THSD7B: variants seen among roughly 807,000 people sequenced by gnomAD.
The protein encoded by THSD7B is thrombospondin type-1 domain-containing protein 7B.
A neutral mutation model predicts 213.6 loss-of-function variants in THSD7B; 138 were observed. The ratio of observed to expected loss-of-function variants is 0.65; its 90% CI spans 0.56 to 0.74. THSD7B has a LOEUF of 0.74. Among genes scored for constraint, THSD7B ranks in the 30% least tolerant of loss-of-function variants. The probability of loss-of-function intolerance (pLI) is 0.00; values close to 1 mark genes in which losing one functional copy is unlikely to be tolerated. For missense variants in THSD7B, 1,931 were observed against 1,991.5 expected (o/e 0.97, Z 0.58); for synonymous variants, 742 against 687.0 (o/e 1.08, Z -1.25).
At chr2:137,629,952 A>T (rs1204374412) in intron 20 of THSD7B, among the ~76,000 whole-genome samples, 1 of 152,138 alleles carries the variant, frequency 6.6e-6, no homozygotes, top group Non-Finnish European at 1.5e-5. Context: ...ACAAAAATAT[A>T]AAGATGAGTA....
At chr2:137,453,723 T>C (rs1289377594) in intron 15 of THSD7B, among the ~76,000 whole-genome samples, 1 of 152,152 alleles carries the variant, frequency 6.6e-6, no homozygotes, top group East Asian at 1.9e-4. Flanking sequence ...GAAAATAAAA[T>C]GTATTTCTCC....
intron 1 of THSD7B, among the ~76,000 whole-genome samples, chr2:136,818,808 T>G (rs1404435644): frequency 6.6e-6 from 1 of 152,198 alleles, no homozygotes; most frequent in Non-Finnish European, 1.5e-5. Flanking sequence ...GTCCATTGGC[T>G]TTCAAGTAAG....
Position 136,837,023 on chromosome 2 carries a change from T to A in THSD7B, c.-35-45121T>A, listed in dbSNP as rs543189666. On this transcript the variant is annotated intron_variant, in intron 1 of 27. Transcript: ENST00000409968. ...ATACTTTCAAAATATATTCCACATA[T>A]ATCTCCAGATTAATCCCAGCAGGTC... Among the ~76,000 whole-genome samples the A allele has an allele frequency of 6.6e-5, 10 of 152,316 alleles. 1 individual carries two copies. Among genetic ancestry groups the A allele is most frequent in the African/African-American group, 2.4e-4 (10 of 41,574 alleles).
At chr2:137,403,776 A>G (rs930943591) in intron 12 of THSD7B, among the ~76,000 whole-genome samples, 5 of 152,202 alleles carry the variant, frequency 3.3e-5, no homozygotes, top group Non-Finnish European at 5.9e-5. Flanking sequence ...AACTGTGGCA[A>G]TTTTGCCCCC....
intron 12 of THSD7B, among the ~76,000 whole-genome samples, chr2:137,343,071 G>GT (rs570246459): frequency 0.028 from 3,673 of 133,054 alleles, 82 homozygotes; most frequent in African/African-American, 0.062. Flanking sequence ...ATTCCCTTCT[G>GT]TTTTTTTTTT....
At chr2:136,910,179 A>G (rs564004503) in intron 2 of THSD7B, among the ~76,000 whole-genome samples, 1 of 152,196 alleles carries the variant, frequency 6.6e-6, no homozygotes, top group East Asian at 1.9e-4. Flanking sequence ...GGTGAACTAC[A>G]GACAACTAGA....
intron 15 of THSD7B, among the ~76,000 whole-genome samples, chr2:137,475,217 TTG>T (rs1204904417): frequency 6.6e-6 from 1 of 152,176 alleles, no homozygotes; most frequent in East Asian, 1.9e-4. Flanking sequence ...TATATAATGT[TTG>T]TATTTATTTA....
intron 9 of THSD7B, among the ~76,000 whole-genome samples, chr2:137,240,305 C>T (rs1681872522): frequency 6.6e-6 from 1 of 152,154 alleles, no homozygotes; most frequent in African/African-American, 2.4e-5. Context: ...CTCTGTTTTG[C>T]CTATGCATTG....
intron 2 of THSD7B, among the ~76,000 whole-genome samples, chr2:136,934,903 A>G (rs59209712): frequency 0.074 from 11,296 of 152,096 alleles, 678 homozygotes; most frequent in African/African-American, 0.16. Context: ...TTGTATTAAG[A>G]TTTTTATCTC....
intron 3 of THSD7B, among the ~76,000 whole-genome samples, chr2:137,074,242 G>C (rs984491467): frequency 6.6e-6 from 1 of 152,072 alleles, no homozygotes; most frequent in African/African-American, 2.4e-5. Context: ...AGGTCACTAA[G>C]GACTTGCTTT....
chr2:136,856,779 G>T (rs941312658), intron 1 of THSD7B, among the ~76,000 whole-genome samples: 1 of 152,134 alleles, frequency 6.6e-6, no homozygotes, highest in East Asian at 1.9e-4. Flanking sequence ...GCCTCACAAA[G>T]TGCTAGGATT....
intron 7 of THSD7B, among the ~76,000 whole-genome samples, chr2:137,230,393 G>T (rs1222544312): frequency 1.3e-5 from 2 of 152,132 alleles, no homozygotes; most frequent in Non-Finnish European, 2.9e-5. Flanking sequence ...CCATATTTTT[G>T]AGTACAGTTA....
intron 17 of THSD7B, among the ~76,000 whole-genome samples, chr2:137,610,725 A>C (rs1051789923): frequency 6.6e-6 from 1 of 152,128 alleles, no homozygotes; most frequent in Admixed American, 6.6e-5. Context: ...TGCCTAAAAA[A>C]TTAATTTGTC....
intron 2 of THSD7B, among the ~76,000 whole-genome samples, chr2:136,983,502 G>GT (rs35564943): frequency 0.15 from 19,191 of 127,714 alleles, 1,313 homozygotes; most frequent in Admixed American, 0.17. Context: ...AGTAAAATCT[G>GT]TTTTTTTTTT....
At chr2:137,314,280 G>T (rs566426952) in intron 12 of THSD7B, among the ~76,000 whole-genome samples, 4 of 152,150 alleles carry the variant, frequency 2.6e-5, no homozygotes, top group African/African-American at 7.2e-5. Context: ...CTGATACCCT[G>T]TCTTCCAGTT....
chr2:137,135,647 C>T (rs934715073), intron 5 of THSD7B, among the ~76,000 whole-genome samples: 2 of 152,052 alleles, frequency 1.3e-5, no homozygotes, highest in Non-Finnish European at 2.9e-5. Flanking sequence ...TCTTAGAATA[C>T]CTGAAGGAAA....
intron 3 of THSD7B, among the ~76,000 whole-genome samples, chr2:137,094,046 T>C (rs1404888440): frequency 6.6e-6 from 1 of 152,244 alleles, no homozygotes; most frequent in African/African-American, 2.4e-5. Flanking sequence ...AATTACCCAG[T>C]ATTTACCACA....
intron 7 of THSD7B, among the ~76,000 whole-genome samples, chr2:137,179,203 A>G (rs560178450): frequency 2.0e-5 from 3 of 152,274 alleles, no homozygotes; most frequent in Non-Finnish European, 2.9e-5. Flanking sequence ...CACCCTTGCT[A>G]TCCTTTTCAT....
chr2:137,496,717 A>G (rs1173354324), intron 15 of THSD7B, among the ~76,000 whole-genome samples: 2 of 152,222 alleles, frequency 1.3e-5, no homozygotes, highest in Non-Finnish European at 2.9e-5. Context: ...TAAAGTGATC[A>G]TTATGTTGTA....
Sources: allele counts gnomAD v4.1 joint callset (sites outside exome capture counted in the v4.1 genomes callset), GRCh38; gene constraint gnomAD v4.1.1; transcripts MANE v1.5; gene names NCBI Gene and HGNC (gene_info 2026-07-23, HGNC 2026-07-21).